The following GRM5 variants were observed in gnomAD, a reference collection of about 807,000 sequenced individuals.
GRM5 encodes the protein metabotropic glutamate receptor 5.
Under a neutral mutation model 83.1 loss-of-function variants are expected in GRM5, and 19 were observed. The ratio of observed to expected loss-of-function variants is 0.23; its 90% CI spans 0.16 to 0.34. The LOEUF is 0.34. Among genes scored for constraint, GRM5 ranks in the 10% least tolerant of loss-of-function variants. The pLI, the probability that GRM5 is intolerant of heterozygous loss-of-function variation, is 1.00. For synonymous variants in GRM5, 675 were observed against 633.6 expected (o/e 1.07, Z -0.98); for missense variants, 1,160 against 1,588.3 (o/e 0.73, Z 4.58).
chr11:88,845,725 G>GCCCCCCCCC (rs66888159), intron 3 of GRM5, among the ~76,000 whole-genome samples: 1 of 147,338 alleles, frequency 6.8e-6, no homozygotes, highest in African/African-American at 2.6e-5. Context: ...GAACCACCGC[G>GCCCCCCCCC]CCCCCCCCCA....
intron 4 of GRM5, among the ~76,000 whole-genome samples, chr11:88,629,207 G>A (rs1032269874): frequency 1.3e-5 from 2 of 152,080 alleles, no homozygotes; most frequent in Non-Finnish European, 2.9e-5. Flanking sequence ...TATTGGTAGC[G>A]GCAAAATTCT....
At chr11:88,867,813 A>G (rs1171199829) in intron 2 of GRM5, among the ~76,000 whole-genome samples, 7 of 151,796 alleles carry the variant, frequency 4.6e-5, no homozygotes, top group Admixed American at 1.3e-4. Flanking sequence ...TTGGACTTCC[A>G]GCCTCTAAAC....
At chr11:88,664,807 T>C (rs61902897) in intron 3 of GRM5, among the ~76,000 whole-genome samples, 23,739 of 152,128 alleles carry the variant, frequency 0.16, 1,950 homozygotes, top group East Asian at 0.21. Flanking sequence ...TTAAAGTATA[T>C]AAGAATATGT....
At chr11:88,669,585 T>C (rs1591428433) in intron 3 of GRM5, among the ~76,000 whole-genome samples, 1 of 152,008 alleles carries the variant, frequency 6.6e-6, no homozygotes, top group South Asian at 2.1e-4. Flanking sequence ...AGATACACTA[T>C]TACAAATAAC....
chr11:89,060,285 T>TATATAC (rs1043068131), intron 1 of GRM5, among the ~76,000 whole-genome samples: 74 of 80,904 alleles, frequency 9.1e-4, no homozygotes, highest in African/African-American at 2.2e-3. Context: ...TATATATATA[T>TATATAC]ACACACACAC....
chr11:88,556,238 G>C (rs112331386), intron 8 of GRM5, among the ~76,000 whole-genome samples: 1 of 151,960 alleles, frequency 6.6e-6, no homozygotes, highest in South Asian at 2.1e-4. Flanking sequence ...CTGTCTATTA[G>C]GTGGGGTCAT....
chr11:88,594,674 C>T (rs1440447464), intron 6 of GRM5, among the ~76,000 whole-genome samples: 1 of 152,146 alleles, frequency 6.6e-6, no homozygotes, highest in Non-Finnish European at 1.5e-5. Context: ...TTTCTTCTTT[C>T]TGGTCTTATG....
At position 89,048,056 on chromosome 11, in the gene GRM5, G is replaced by A. The variant is rs1321131791; in HGVS notation, c.-184C>T. 1.2e-5 allele frequency: 7 copies of A among 576,124 alleles called. No individual in the cohort carries two copies. Among genetic ancestry groups the A allele is most frequent in the Non-Finnish European group, 2.2e-5 (7 of 324,432 alleles). 35.7% of individuals were successfully genotyped at this position (576,124 alleles called of 1,614,324 possible). ...ACCATTTAGTTAGATGATCCATGTG[G>A]TCATGATCTTCTAAACCTGAAAAAA... On this transcript the variant is annotated 5_prime_UTR_variant, in exon 2 of 10. Transcript: ENST00000305447.
intron 2 of GRM5, among the ~76,000 whole-genome samples, chr11:88,946,237 A>G (rs1262593235): frequency 6.6e-6 from 1 of 152,106 alleles, no homozygotes; most frequent in African/African-American, 2.4e-5. Context: ...AAAGCAAAAG[A>G]TGCTGGCAAG....
At chr11:88,725,519 C>G (rs1941656512) in intron 3 of GRM5, among the ~76,000 whole-genome samples, 1 of 152,166 alleles carries the variant, frequency 6.6e-6, no homozygotes, top group Non-Finnish European at 1.5e-5. Context: ...TCTCCCATCA[C>G]AGCACTCAAG....
intron 7 of GRM5, among the ~76,000 whole-genome samples, chr11:88,578,278 A>G (rs1943155039): frequency 6.6e-6 from 1 of 152,164 alleles, no homozygotes; most frequent in Non-Finnish European, 1.5e-5. Flanking sequence ...CATATAATAT[A>G]TCAATGCTTT....
chr11:88,779,848 T>C (rs1232213980), intron 3 of GRM5, among the ~76,000 whole-genome samples: 2 of 152,230 alleles, frequency 1.3e-5, no homozygotes, highest in Admixed American at 1.3e-4. Context: ...TGATGTTTCT[T>C]GCATCCTTCC....
chr11:88,678,832 A>C (rs774124082), intron 3 of GRM5, among the ~76,000 whole-genome samples: 1 of 152,114 alleles, frequency 6.6e-6, no homozygotes, highest in Non-Finnish European at 1.5e-5. Context: ...GCCAGTATTT[A>C]TTAGCCAGGT....
chr11:89,058,786 T>C (rs1941927843), intron 1 of GRM5, among the ~76,000 whole-genome samples: 1 of 152,084 alleles, frequency 6.6e-6, no homozygotes, highest in South Asian at 2.1e-4. Flanking sequence ...GTGAGGAGAG[T>C]ATCCTACGAT....
intron 3 of GRM5, among the ~76,000 whole-genome samples, chr11:88,734,057 A>G (rs1941860797): frequency 6.6e-6 from 1 of 152,006 alleles, no homozygotes; most frequent in Non-Finnish European, 1.5e-5. Flanking sequence ...CTATTGATGA[A>G]TATTTTTATT....
At chr11:88,738,857 TC>T (rs1937447393) in intron 3 of GRM5, among the ~76,000 whole-genome samples, 2 of 152,046 alleles carry the variant, frequency 1.3e-5, no homozygotes, top group Non-Finnish European at 1.5e-5. Context: ...AATGCTCCAG[TC>T]CTGAACCTTT....
intron 3 of GRM5, among the ~76,000 whole-genome samples, chr11:88,796,212 A>G (rs1490786686): frequency 6.6e-6 from 1 of 152,214 alleles, no homozygotes; most frequent in African/African-American, 2.4e-5. Context: ...TAATGAAAGC[A>G]AAGCAAGGTC....
chr11:88,629,479 C>T lies in GRM5; in HGVS notation c.1147+23689G>A, dbSNP rs76741999. Reference sequence around the variant, plus strand: ...CATGGCAGGCAAATTCTGAGACCCCCTCCAGAGGTAGAGGGTTTTGGGAAT... The same window carrying T: ...CATGGCAGGCAAATTCTGAGACCCCTTCCAGAGGTAGAGGGTTTTGGGAAT... On this transcript the variant is annotated intron_variant, in intron 4 of 9. Transcript: ENST00000305447. Among the ~76,000 whole-genome samples the T allele has an allele frequency of 7.4e-3, 1,122 of 152,288 alleles. 14 individuals carry two copies. Among genetic ancestry groups the T allele is most frequent in the African/African-American group, 0.026 (1,083 of 41,562 alleles).
intron 3 of GRM5, among the ~76,000 whole-genome samples, chr11:88,695,289 GA>G (rs931810063): frequency 2.7e-5 from 4 of 150,862 alleles, no homozygotes; most frequent in East Asian, 3.9e-4. Flanking sequence ...CTTAGATGTT[GA>G]AAAAAAAAGA....
Sources: gnomAD v4.1 joint callset for allele counts (sites outside exome capture counted in the v4.1 genomes callset) on GRCh38, gnomAD v4.1.1 for gene constraint, MANE v1.5 for transcripts, NCBI Gene and HGNC (gene_info 2026-07-23, HGNC 2026-07-21) for gene names.